MYL3: variants seen among roughly 807,000 people sequenced by gnomAD.
MYL3 encodes the protein myosin light chain 3.
A neutral mutation model predicts 21.3 loss-of-function variants in MYL3; 11 were observed. The observed-to-expected ratio is 0.52, with a 90% CI of 0.32 to 0.85. The LOEUF is 0.85. MYL3 is among the 40% of genes least tolerant of loss of function. The pLI is 0.03. For synonymous variants in MYL3, 88 were observed against 91.6 expected (o/e 0.96, Z 0.22); for missense variants, 206 against 253.3 (o/e 0.81, Z 1.27).
Position 46,874,734 on chromosome 3 carries a change from C to A in MYL3, c.-218+7340G>T, listed in dbSNP as rs930678638. On this transcript the variant is annotated intron_variant, in intron 1 of 3. Coordinates refer to the MYL3 transcript ENST00000431168. This position sits in a 1 kb window ranked among gnomAD's most constrained non-coding sequence, Gnocchi z 4.1. ...GGGTATTCCGAGGCACAGACCCCCC[C>A]CCACACACACAATAGGGACGCACTA... Among the ~76,000 whole-genome samples, 3 of 151,998 alleles carry A rather than the reference C, an allele frequency of 2.0e-5. No individual in the cohort carries two copies. The highest frequency in any genetic ancestry group is 3.9e-4 in the East Asian group (2 of 5,190).
Position 46,859,537 on chromosome 3 carries a change from A to C in MYL3, c.419T>G (p.Phe140Cys), listed in dbSNP as rs1559520147. Residue 140 changes from phenylalanine (F) to cysteine (C), a missense_variant, in exon 4 of 7, where the codon TTC (phenylalanine) becomes TGC (cysteine). Physicochemically the swap from Phe to Cys is radical, Grantham distance 205. Coordinates refer to ENST00000292327, the MANE Select transcript of MYL3 (RefSeq NM_000258.3). This position sits in a 1 kb window ranked among gnomAD's most constrained non-coding sequence, Gnocchi z 4.1. ...GACAGTGCCATTGCCCTCCTTGTCG[A>C]AGACCCGCAGCCCCTCCACGAAGTC... ...YEDFVEGLRV[F>C]DKEGNGTVMG... 6.2e-7 allele frequency: 1 copy of C among 1,614,172 alleles called. No homozygotes were observed. The highest frequency in any genetic ancestry group is 8.5e-7 in the Non-Finnish European group (1 of 1,180,032).
At chr3:46,875,302 T>C (rs769848890) in intron 1 of MYL3, among the ~76,000 whole-genome samples, 3 of 152,100 alleles carry the variant, frequency 2.0e-5, no homozygotes, top group Non-Finnish European at 4.4e-5. Flanking sequence ...CCCCTTCCGG[T>C]GAAGACCTCC....
At chr3:46,858,549 T>C in intron 4 of MYL3, 88 bp from the exon 5 acceptor site, 1 of 1,291,892 alleles carries the variant, frequency 7.7e-7, no homozygotes, top group Non-Finnish European at 1.1e-6. Context: ...AGATGGTGGC[T>C]CAACCTCTCC....
At chr3:46,865,152 G>C (rs74806925), upstream of MYL3, among the ~76,000 whole-genome samples, 4 of 152,126 alleles carry the variant, frequency 2.6e-5, no homozygotes, top group African/African-American at 9.7e-5. This position sits in a 1 kb window ranked among gnomAD's most constrained non-coding sequence, Gnocchi z 4.3. Flanking sequence ...CTGTCACTCC[G>C]CCTCACAGGG....
At chr3:46,873,903 A>G (rs111433731) in intron 1 of MYL3, among the ~76,000 whole-genome samples, 5,668 of 152,312 alleles carry the variant, frequency 0.037, 135 homozygotes, top group African/African-American at 0.059. Flanking sequence ...GGGCCAGACC[A>G]GCTGCCAGTG....
intron 1 of MYL3, among the ~76,000 whole-genome samples, chr3:46,878,391 G>A (rs1299102973): frequency 6.6e-6 from 1 of 152,222 alleles, no homozygotes; most frequent in Non-Finnish European, 1.5e-5. Context: ...CTGGGTGGAG[G>A]CACAACCTGG....
In MYL3 at chr3:46,861,898, A is replaced by T. The variant is rs1040861119; in HGVS notation, c.130-911T>A. Among the ~76,000 whole-genome samples, 10 of 152,206 alleles carry T rather than the reference A, an allele frequency of 6.6e-5. No individual in the cohort carries two copies. In the South Asian group the frequency reaches 2.1e-3, roughly 31 times the overall value. ...ATCTCCACAGTGCATGCCGGCACAG[A>T]GGGACACCCTGTTCAGGGCCACCCT... On this transcript the variant is annotated intron_variant, in intron 1 of 6. Transcript: ENST00000292327. The surrounding 1 kb of genome is among the most constrained non-coding windows in gnomAD (Gnocchi z 4.2).
At chr3:46,866,666 A>C (rs1009780138), upstream of MYL3, 1 of 152,080 alleles carries the variant, frequency 6.6e-6, no homozygotes, top group Non-Finnish European at 1.5e-5. Context: ...CAGTTTACCC[A>C]CCTCTCACAG....
chr3:46,858,109 C>A lies in MYL3; in HGVS notation c.*14-8G>T, dbSNP rs969696050. 1.1e-5 allele frequency: 13 copies of A among 1,184,078 alleles called. No individual in the cohort carries two copies. The African/African-American group carries it at 1.7e-4, about 15-fold the overall frequency. The allele number at this position is 1,184,078 out of a possible 1,614,324, so 73.3% of individuals were successfully genotyped here. A position where few individuals can be genotyped will look rare whatever the true frequency, so the allele number is the denominator to read the frequency against. On this transcript the variant is annotated splice_polypyrimidine_tract_variant and splice_region_variant and intron_variant, in intron 6 of 6. Transcript: ENST00000292327. ...CAGCCTTCCCTGGGCTTCCTGAGAG[C>A]AAAGGCAGTGCAGATTACAGAGGAG...
In MYL3 at chr3:46,861,921, C is replaced by T. The variant is rs900926503; in HGVS notation, c.130-934G>A. ...AGAGGGACACCCTGTTCAGGGCCAC[C>T]CTACCATGACTGTCCCTCCTGGCTT... On this transcript the variant is annotated intron_variant, in intron 1 of 6. Transcript: ENST00000292327. The surrounding 1 kb of genome is among the most constrained non-coding windows in gnomAD (Gnocchi z 4.2). 3.3e-5 allele frequency among the ~76,000 whole-genome samples: 5 copies of T among 152,178 alleles called. No individual in the cohort carries two copies. Among genetic ancestry groups the T allele is most frequent in the Non-Finnish European group, 5.9e-5 (4 of 68,022 alleles).
upstream of MYL3, among the ~76,000 whole-genome samples, chr3:46,867,562 T>C (rs1381684214): frequency 6.6e-6 from 1 of 152,200 alleles, no homozygotes; most frequent in Non-Finnish European, 1.5e-5. Flanking sequence ...AGCTGTCCCC[T>C]GGGCCTAAGA....
At chr3:46,865,210 C>T (rs1056930920), upstream of MYL3, among the ~76,000 whole-genome samples, 3 of 152,188 alleles carry the variant, frequency 2.0e-5, no homozygotes, top group Non-Finnish European at 4.4e-5. The surrounding 1 kb of genome is among the most constrained non-coding windows in gnomAD (Gnocchi z 4.3). Flanking sequence ...GACTGGAACA[C>T]GTTCTGCCTC....
In MYL3 at chr3:46,859,712, C is replaced by A; in HGVS notation, c.308-64G>T. ...GGGGTGGGCACACCCCTCCCCCATG[C>A]CTGATAATGAGGAGCTATCCCCACC... is the stretch of plus-strand genomic sequence containing the variant. On this transcript the variant is annotated intron_variant, in intron 3 of 6. Transcript: ENST00000292327. The surrounding 1 kb of genome is among the most constrained non-coding windows in gnomAD (Gnocchi z 4.1). 2 of 1,573,738 alleles carry A rather than the reference C, an allele frequency of 1.3e-6. No homozygotes were observed. Among genetic ancestry groups the A allele is most frequent in the East Asian group, 2.2e-5 (1 of 44,684 alleles).
intron 1 of MYL3, among the ~76,000 whole-genome samples, chr3:46,871,152 G>C (rs201829114): frequency 6.6e-6 from 1 of 152,140 alleles, no homozygotes; most frequent in East Asian, 1.9e-4. Context: ...AGAACACCCA[G>C]GTATAATTTC....
Position 46,860,739 on chromosome 3 carries a change from C to T in MYL3, c.244G>A (p.Ala82Thr). The T allele has an allele frequency of 6.2e-7, 1 of 1,614,150 alleles. No homozygotes were observed. The part of the protein sequence containing the change: ...TYGQCGDVLR[A>T]LGQNPTQAEV... ...GCCTGTGTGGGGTTCTGGCCCAGCG[C>T]CCGCAGGACATCCCCACACTGCCCG... The change falls in exon 3 of 7, where the codon GCG (alanine) becomes ACG (threonine). Residue 82 changes from alanine to threonine, a missense_variant. Transcript: ENST00000292327. This position sits in a 1 kb window ranked among gnomAD's most constrained non-coding sequence, Gnocchi z 4.6.
chr3:46,881,233 C>T (rs1254899265), intron 1 of MYL3: 1 of 152,372 alleles, frequency 6.6e-6, no homozygotes, highest in Non-Finnish European at 1.5e-5. Context: ...CAGCCCCTCC[C>T]TCTGCCTCAG....
rs556022687 is a variant in MYL3, at chr3:46,859,872, T to G, written c.308-224A>C. ...GCACTGTTTCCATAGCCCTTTGCTA[T>G]TCACAAAGGGAGTTTGCTGCCCTGA... On this transcript the variant is annotated intron_variant, in intron 3 of 6. Transcript: ENST00000292327. This position sits in a 1 kb window ranked among gnomAD's most constrained non-coding sequence, Gnocchi z 4.1. Among the ~76,000 whole-genome samples, 1 of 152,294 alleles carries G rather than the reference T, an allele frequency of 6.6e-6. No individual in the cohort carries two copies. The highest frequency in any genetic ancestry group is 2.4e-5 in the African/African-American group (1 of 41,570).
chr3:46,861,944 C>T lies in MYL3; in HGVS notation c.130-957G>A, dbSNP rs1701997616. Among the ~76,000 whole-genome samples, 1 of 152,208 alleles carries T rather than the reference C, an allele frequency of 6.6e-6. No homozygotes were observed. The highest frequency in any genetic ancestry group is 1.5e-5 in the Non-Finnish European group (1 of 68,020). ...ACCCTACCATGACTGTCCCTCCTGG[C>T]TTCTGGCTTGACCCAGTGTTGGGAA... is the stretch of plus-strand genomic sequence containing the variant. On this transcript the variant is annotated intron_variant, in intron 1 of 6. Coordinates refer to ENST00000292327, the MANE Select transcript of MYL3 (RefSeq NM_000258.3). The surrounding 1 kb of genome is among the most constrained non-coding windows in gnomAD (Gnocchi z 4.2).
chr3:46,874,467 A>G lies in MYL3; in HGVS notation c.-218+7607T>C, dbSNP rs985684285. 1.3e-5 allele frequency among the ~76,000 whole-genome samples: 2 copies of G among 152,116 alleles called. No homozygotes were observed. Among genetic ancestry groups the G allele is most frequent in the African/African-American group, 2.4e-5 (1 of 41,420 alleles). ...TCTCCACTCGAGGGCTCCCGGCCACAGCCCCCGGCAAGGACCCAGTGTCTG... is the reference window on the plus strand; with the variant it reads ...TCTCCACTCGAGGGCTCCCGGCCACGGCCCCCGGCAAGGACCCAGTGTCTG... On this transcript the variant is annotated intron_variant, in intron 1 of 3. Coordinates refer to the MYL3 transcript ENST00000431168. The surrounding 1 kb of genome is among the most constrained non-coding windows in gnomAD (Gnocchi z 4.1).
Sources: allele counts gnomAD v4.1 joint callset (sites outside exome capture counted in the v4.1 genomes callset), GRCh38; gene constraint gnomAD v4.1.1; non-coding constraint Gnocchi (gnomAD v3.1); transcripts MANE v1.5; gene names NCBI Gene and HGNC (gene_info 2026-07-23, HGNC 2026-07-21).